The following PITPNM1 variants were observed in gnomAD, a reference collection of about 807,000 sequenced individuals.
PITPNM1 encodes membrane-associated phosphatidylinositol transfer protein 1.
Under a neutral mutation model 133.3 loss-of-function variants are expected in PITPNM1, and 74 were observed. The ratio of observed to expected loss-of-function variants is 0.56; its 90% confidence interval spans 0.46 to 0.67. PITPNM1 has a LOEUF of 0.67. Among genes scored for constraint, PITPNM1 ranks in the 30% least tolerant of loss-of-function variants. The pLI is 0.00. For missense variants in PITPNM1, 1,398 were observed against 1,739.5 expected (o/e 0.80, Z 3.49); for synonymous variants, 738 against 741.4 (o/e 1.00, Z 0.08).
rs1187212136 is a variant in PITPNM1 at position 67,502,985 on chromosome 11, T to C, written c.79-267A>G. Among the ~76,000 whole-genome samples, 2 of 152,272 alleles carry C rather than the reference T, an allele frequency of 1.3e-5. No individual in the cohort carries two copies. The highest frequency in any genetic ancestry group is 2.9e-5 in the Non-Finnish European group (2 of 68,054). On this transcript the variant is annotated intron_variant, in intron 2 of 23. Coordinates refer to ENST00000356404, the MANE Select transcript of PITPNM1 (RefSeq NM_004910.3). The surrounding 1 kb of genome is among the most constrained non-coding windows in gnomAD (Gnocchi z 5.9). ...CCACTCCAGGCAGTGTTTGGGATTA[T>C]ATCAATTGAGATATATTGATGAATA...
At position 67,502,490 on chromosome 11, in the gene PITPNM1, G is replaced by A. The variant is rs747550147; in HGVS notation, c.293+14C>T. On this transcript the variant is annotated intron_variant, in intron 3 of 23. Transcript: ENST00000356404. The surrounding 1 kb of genome is among the most constrained non-coding windows in gnomAD (Gnocchi z 5.9). Reference sequence around the variant, plus strand: ...CCCTCCTGGCCTCGGACCATGCCCAGCTCACCCACTCACCGGGTTCGGGTG... The same window carrying A: ...CCCTCCTGGCCTCGGACCATGCCCAACTCACCCACTCACCGGGTTCGGGTG... 1.9e-6 allele frequency: 3 copies of A among 1,613,548 alleles called. No homozygotes were observed. The Admixed American group carries it at 5.0e-5, about 27-fold the overall frequency.
At position 67,498,686 on chromosome 11, in the gene PITPNM1, C is replaced by A; in HGVS notation, c.1394G>T (p.Arg465Leu). ...TLSSAFEAVT[R>L]IHFPEALGHV... ...GCCCAAGGCCTCAGGGAAGTGGATG[C>A]GGGTGACGGCCTCGAAGGCGGAGCT... The change falls in exon 10 of 24, where the codon CGC becomes CTC. Residue 465 changes from arginine (R) to leucine (L), a missense_variant. Coordinates refer to ENST00000356404, the MANE Select transcript of PITPNM1 (RefSeq NM_004910.3). The surrounding 1 kb of genome is among the most constrained non-coding windows in gnomAD (Gnocchi z 5.7). 1 of 1,603,720 alleles carries A rather than the reference C, an allele frequency of 6.2e-7. No homozygotes were observed. Among genetic ancestry groups the A allele is most frequent in the Non-Finnish European group, 8.5e-7 (1 of 1,179,924 alleles).
Position 67,502,415 on chromosome 11 carries a change from T to TG in PITPNM1, c.294-3dup. On this transcript the variant is annotated splice_polypyrimidine_tract_variant and splice_region_variant and intron_variant, in intron 3 of 23. Transcript: ENST00000356404. This position sits in a 1 kb window ranked among gnomAD's most constrained non-coding sequence, Gnocchi z 5.9. ...TTCTCCACGAAAGGGCAGGTGTACC[T>TG]GGGCAGAAGGCACGGGTGAGGCTCA... The TG allele has an allele frequency of 6.2e-7, 1 of 1,613,890 alleles. No homozygotes were observed. The highest frequency in any genetic ancestry group is 8.5e-7 in the Non-Finnish European group (1 of 1,180,016).
In PITPNM1 at chr11:67,491,824, G is replaced by T; in HGVS notation, c.*209C>A. 1 of 596,696 alleles carries T rather than the reference G, an allele frequency of 1.7e-6. No individual in the cohort carries two copies. Among genetic ancestry groups the T allele is most frequent in the Non-Finnish European group, 3.0e-6 (1 of 338,934 alleles). 37.0% of individuals were successfully genotyped at this position (596,696 alleles called of 1,614,324 possible). ...TTATACACACTGGAAAAGCCTCTGC[G>T]CCCATGCCCACGCCCTCCTCCCTCC... On this transcript the variant is annotated 3_prime_UTR_variant, in exon 24 of 24. Coordinates refer to ENST00000356404, the MANE Select transcript of PITPNM1 (RefSeq NM_004910.3).
Position 67,493,699 on chromosome 11 carries a change from C to G in PITPNM1, c.3147G>C (p.Val1049=), listed in dbSNP as rs1866010835. 1 of 1,546,564 alleles carries G rather than the reference C, an allele frequency of 6.5e-7. No homozygotes were observed. Among genetic ancestry groups the G allele is most frequent in the African/African-American group, 1.4e-5 (1 of 73,030 alleles). ...GSDPKVRAGA[V]DVVRHWQDSG... is the part of the protein sequence containing the mutation. ...GTGGCAACTCCTACCTGACCACGTC[C>G]ACGGCGCCAGCTCGCACCTTGGGGT... Residue 1049 remains valine, a synonymous_variant, in exon 21 of 24, where the codon GTG becomes GTC. Coordinates refer to ENST00000356404, the MANE Select transcript of PITPNM1 (RefSeq NM_004910.3).
In PITPNM1 at chr11:67,502,214, A is replaced by T; in HGVS notation, c.415+78T>A. 1 of 1,573,410 alleles carries T rather than the reference A, an allele frequency of 6.4e-7. No homozygotes were observed. The highest frequency in any genetic ancestry group is 8.6e-7 in the Non-Finnish European group (1 of 1,157,246). ...GACATGAGGCCTGGAGAGGGCTGGGACTTCTCAGAGGCTGCCCACTGAGGC... is the reference window on the plus strand; with the variant it reads ...GACATGAGGCCTGGAGAGGGCTGGGTCTTCTCAGAGGCTGCCCACTGAGGC... On this transcript the variant is annotated intron_variant, in intron 4 of 23. Transcript: ENST00000356404. This position sits in a 1 kb window ranked among gnomAD's most constrained non-coding sequence, Gnocchi z 5.9.
intron 22 of PITPNM1, 134 bp from the exon 23 acceptor site, chr11:67,493,196 G>T: frequency 8.5e-7 from 1 of 1,181,914 alleles, no homozygotes; most frequent in Non-Finnish European, 1.2e-6. Context: ...CCAGTCCCAC[G>T]GGGACAGGGG....
At chr11:67,494,997 G>A in intron 17 of PITPNM1, 41 bp from the exon 18 acceptor site, 1 of 1,605,290 alleles carries the variant, frequency 6.2e-7, no homozygotes, top group Non-Finnish European at 8.5e-7. Flanking sequence ...TCTTAGGGGA[G>A]GGAGGGCTGC....
chr11:67,504,127 C>T lies in PITPNM1; in HGVS notation c.54G>A (p.Gln18=). The change falls in exon 2 of 24, where the codon CAG becomes CAA. Residue 18 remains glutamine, a synonymous_variant. Coordinates refer to ENST00000356404, the MANE Select transcript of PITPNM1 (RefSeq NM_004910.3). The surrounding 1 kb of genome is among the most constrained non-coding windows in gnomAD (Gnocchi z 5.4). ...CCTGGATCATGTAGAGCTGGGCCAC[C>T]TGGTACTCGTCCAGGCTCATGGGCA... ...ILLPMSLDEY[Q]VAQLYMIQKK... The T allele has an allele frequency of 6.2e-7, 1 of 1,609,028 alleles. No homozygotes were observed. The highest frequency in any genetic ancestry group is 8.5e-7 in the Non-Finnish European group (1 of 1,178,576).
intron 8 of PITPNM1, 137 bp from the exon 9 acceptor site, chr11:67,499,138 A>G (rs1027258420): frequency 5.1e-6 from 4 of 784,890 alleles, no homozygotes; most frequent in South Asian, 3.7e-5. Context: ...CCTCCCACCA[A>G]CTCTCCCAGG....
At chr11:67,501,801 C>A in intron 5 of PITPNM1, 61 bp downstream of exon 5, 1 of 1,414,646 alleles carries the variant, frequency 7.1e-7, no homozygotes, top group Non-Finnish European at 9.8e-7. Flanking sequence ...GCATCCCTGG[C>A]CCTAAACATG....
chr11:67,492,842 C>A, intron 23 of PITPNM1, 92 bp downstream of exon 23: 9 of 1,479,074 alleles, frequency 6.1e-6, no homozygotes, highest in Non-Finnish European at 8.2e-6. Flanking sequence ...GGCCTTCTCA[C>A]ATCTTCCCCA....
At chr11:67,494,716 G>A in intron 18 of PITPNM1, 130 bp downstream of exon 18, 1 of 648,392 alleles carries the variant, frequency 1.5e-6, no homozygotes, top group African/African-American at 1.8e-5. Flanking sequence ...CCCAGGGGCG[G>A]GGCAGGACTG....
chr11:67,492,889 T>C, intron 23 of PITPNM1, 45 bp downstream of exon 23: 1 of 1,593,082 alleles, frequency 6.3e-7, no homozygotes, highest in South Asian at 1.1e-5. Context: ...CTGAGGGCCC[T>C]GCCCCCTGGT....
At chr11:67,493,294 A>T in intron 22 of PITPNM1, 116 bp downstream of exon 22, 1 of 1,226,152 alleles carries the variant, frequency 8.2e-7, no homozygotes, top group Non-Finnish European at 1.1e-6. Context: ...CGCTGCAGTC[A>T]GGCAGGGCCC....
chr11:67,498,111 TG>T lies in PITPNM1; in HGVS notation c.1674+21del. ...GGGGGCTGCAGTGGAGGGCAGCAGA[TG>T]GACTGTCCCTAACCGCTGACCTGCC... On this transcript the variant is annotated intron_variant, in intron 11 of 23. Transcript: ENST00000356404. The surrounding 1 kb of genome is among the most constrained non-coding windows in gnomAD (Gnocchi z 5.7). 1 of 1,611,438 alleles carries T rather than the reference TG, an allele frequency of 6.2e-7. No individual in the cohort carries two copies. The highest frequency in any genetic ancestry group is 8.5e-7 in the Non-Finnish European group (1 of 1,179,738).
At position 67,504,595 on chromosome 11, in the gene PITPNM1, C is replaced by T. The variant is rs1188929308; in HGVS notation, c.-41-374G>A. Reference sequence around the variant, plus strand: ...GGCGCGCCCCCGAAGCCCCGGGGCCCCTCCTTCCGGGCCCGCCTTCCGCGA... The same window carrying T: ...GGCGCGCCCCCGAAGCCCCGGGGCCTCTCCTTCCGGGCCCGCCTTCCGCGA... On this transcript the variant is annotated intron_variant, in intron 1 of 23. Coordinates refer to ENST00000356404, the MANE Select transcript of PITPNM1 (RefSeq NM_004910.3). This position sits in a 1 kb window ranked among gnomAD's most constrained non-coding sequence, Gnocchi z 5.4. 1 of 152,174 alleles carries T rather than the reference C, an allele frequency of 6.6e-6. No individual in the cohort carries two copies. The highest frequency in any genetic ancestry group is 1.5e-5 in the Non-Finnish European group (1 of 68,018). The allele number at this position is 152,174 out of a possible 1,614,324, so 9.4% of individuals were successfully genotyped here. A position where few individuals can be genotyped will look rare whatever the true frequency, so the allele number is the denominator to read the frequency against.
Position 67,502,907 on chromosome 11 carries a change from G to A in PITPNM1, c.79-189C>T, listed in dbSNP as rs1026491162. On this transcript the variant is annotated intron_variant, in intron 2 of 23. Transcript: ENST00000356404. This position sits in a 1 kb window ranked among gnomAD's most constrained non-coding sequence, Gnocchi z 5.9. Reference sequence around the variant, plus strand: ...CAGATGCAGCCCAGCCCCGCATGGGGTCTGCAACCCAGCACTCAGTTGAGT... The same window carrying A: ...CAGATGCAGCCCAGCCCCGCATGGGATCTGCAACCCAGCACTCAGTTGAGT... Among the ~76,000 whole-genome samples, 2 of 152,190 alleles carry A rather than the reference G, an allele frequency of 1.3e-5. No homozygotes were observed. The highest frequency in any genetic ancestry group is 2.9e-5 in the Non-Finnish European group (2 of 68,048).
intron 14 of PITPNM1, chr11:67,496,779 A>AT (rs1866134159): frequency 5.3e-6 from 1 of 188,268 alleles, no homozygotes; most frequent in African/African-American, 2.3e-5. Context: ...TACTAAAAAA[A>AT]ATACAAAAAT....
Sources: gnomAD v4.1 joint callset for allele counts (sites outside exome capture counted in the v4.1 genomes callset) on GRCh38, gnomAD v4.1.1 for gene constraint, Gnocchi (gnomAD v3.1) non-coding constraint, MANE v1.5 for transcripts, NCBI Gene and HGNC (gene_info 2026-07-23, HGNC 2026-07-21) for gene names.